Variants in EXOC4 observed in about 807,000 individuals in gnomAD.
EXOC4 encodes the protein exocyst complex component 4.
Under a neutral mutation model 107.2 loss-of-function variants are expected in EXOC4, and 71 were observed. The observed-to-expected ratio is 0.66, with a 90% CI of 0.55 to 0.81. The LOEUF (loss-of-function observed/expected upper bound fraction) is 0.81, where lower values mean the gene tolerates loss of function less well. Among genes scored for constraint, EXOC4 ranks in the 30% least tolerant of loss-of-function variants. EXOC4 has a pLI of 0.00. For synonymous variants in EXOC4, 456 were observed against 441.2 expected, an observed-to-expected ratio of 1.03 and a Z score of -0.42; for missense variants, 1,108 against 1,189.6, an observed-to-expected ratio of 0.93 and a Z score of 1.01.
intron 5 of EXOC4, among the ~76,000 whole-genome samples, chr7:133,348,239 G>T (rs979769318): frequency 2.0e-5 from 3 of 152,110 alleles, no homozygotes; most frequent in African/African-American, 7.2e-5. Flanking sequence ...AAGTGAAATA[G>T]ATAATATAAA....
intron 11 of EXOC4, among the ~76,000 whole-genome samples, chr7:133,835,885 TG>T (rs1290802429): frequency 2.0e-5 from 3 of 152,210 alleles, no homozygotes; most frequent in Middle Eastern, 3.2e-3. Context: ...CCAAGCTAAC[TG>T]GCTCATGAAA....
chr7:133,380,728 A>C (rs1157925866), intron 7 of EXOC4, among the ~76,000 whole-genome samples: 1 of 152,210 alleles, frequency 6.6e-6, no homozygotes, highest in Non-Finnish European at 1.5e-5. Flanking sequence ...AGAAACTTGT[A>C]GTCTCCACAT....
At chr7:133,253,573 G>T in intron 1 of EXOC4, 1 of 969,336 alleles carries the variant, frequency 1.0e-6, no homozygotes, top group Non-Finnish European at 1.2e-6. Context: ...TTGTTTCCTG[G>T]ACTTTGGGGT....
intron 1 of EXOC4, 66 bp from the exon 2 acceptor site, chr7:133,274,916 T>C: frequency 7.7e-7 from 1 of 1,292,918 alleles, no homozygotes; most frequent in Non-Finnish European, 1.0e-6. Flanking sequence ...TACTTTCTGC[T>C]TCACCTTTCT....
At chr7:133,642,992 C>T (rs1802896686) in intron 10 of EXOC4, among the ~76,000 whole-genome samples, 1 of 152,184 alleles carries the variant, frequency 6.6e-6, no homozygotes, top group African/African-American at 2.4e-5. Flanking sequence ...CCTGCTCTTA[C>T]TCACCCTTAC....
intron 6 of EXOC4, among the ~76,000 whole-genome samples, chr7:133,373,822 T>C (rs1012104291): frequency 2.0e-5 from 3 of 152,224 alleles, no homozygotes; most frequent in Non-Finnish European, 4.4e-5. Flanking sequence ...TTCTAAGTGC[T>C]CTTAAGTATT....
At chr7:134,048,560 C>G (rs1246380048) in intron 17 of EXOC4, among the ~76,000 whole-genome samples, 4 of 152,168 alleles carry the variant, frequency 2.6e-5, no homozygotes, top group African/African-American at 9.7e-5. Context: ...CACATTTCAA[C>G]CAGACCAGTT....
At chr7:133,872,825 T>A (rs941985482) in intron 11 of EXOC4, among the ~76,000 whole-genome samples, 1 of 152,250 alleles carries the variant, frequency 6.6e-6, no homozygotes, top group Non-Finnish European at 1.5e-5. Flanking sequence ...CTTTTGGATC[T>A]CATATTAATT....
intron 3 of EXOC4, among the ~76,000 whole-genome samples, chr7:133,303,828 T>A (rs918142857): frequency 6.6e-6 from 1 of 152,238 alleles, no homozygotes; most frequent in Non-Finnish European, 1.5e-5. Flanking sequence ...GAACACTTAC[T>A]GAAATTGCTT....
At chr7:133,466,705 G>A (rs75435092) in intron 7 of EXOC4, among the ~76,000 whole-genome samples, 2,784 of 152,218 alleles carry the variant, frequency 0.018, 52 homozygotes, top group Non-Finnish European at 0.028. Context: ...TGATAACAAA[G>A]CCAAAGTATT....
chr7:133,470,334 T>C (rs1026335390), intron 7 of EXOC4, among the ~76,000 whole-genome samples: 7 of 152,244 alleles, frequency 4.6e-5, no homozygotes, highest in East Asian at 3.9e-4. Flanking sequence ...ATGTTACCAA[T>C]GTTAGCAAGT....
chr7:133,784,408 G>T (rs1167744805), intron 10 of EXOC4, among the ~76,000 whole-genome samples: 2 of 152,008 alleles, frequency 1.3e-5, no homozygotes, highest in African/African-American at 4.8e-5. Context: ...CTTGGTCTTG[G>T]CCCTTCTATC....
chr7:133,374,719 T>G, intron 6 of EXOC4, 109 bp from the exon 7 acceptor site: 1 of 864,050 alleles, frequency 1.2e-6, no homozygotes, highest in Non-Finnish European at 1.8e-6. Flanking sequence ...TTAATGCTGT[T>G]TACATTGTAG....
chr7:133,329,462 C>T (rs1795326980), intron 5 of EXOC4, among the ~76,000 whole-genome samples: 1 of 151,970 alleles, frequency 6.6e-6, no homozygotes, highest in Admixed American at 6.6e-5. Context: ...AGTTTTGTTC[C>T]CTTGCTGCTG....
At chr7:133,485,206 C>T (rs1799248469) in intron 9 of EXOC4, among the ~76,000 whole-genome samples, 2 of 151,920 alleles carry the variant, frequency 1.3e-5, no homozygotes, top group Admixed American at 1.3e-4. Context: ...TTCGTTACTT[C>T]CCATTTTCTC....
chr7:133,855,144 A>AATATATATAAAT lies in EXOC4; in HGVS notation c.1734+37609_1734+37610insAATATATATATA, dbSNP rs1798345383. Among the ~76,000 whole-genome samples, 32 of 96,474 alleles carry AATATATATAAAT rather than the reference A, an allele frequency of 3.3e-4. 1 individual carries two copies. The highest frequency in any genetic ancestry group is 1.8e-3 in the African/African-American group (31 of 17,088). 63.3% of individuals were successfully genotyped at this position (96,474 alleles called of 152,430 possible). On this transcript the variant is annotated intron_variant, in intron 11 of 17. Coordinates refer to ENST00000253861, the MANE Select transcript of EXOC4 (RefSeq NM_021807.4). ...ATATATATAAATATATATATATATA[A>AATATATATAAAT]ATATATATATAAATATATATATTTT...
intron 6 of EXOC4, among the ~76,000 whole-genome samples, chr7:133,369,776 G>A (rs916784347): frequency 2.7e-5 from 4 of 145,772 alleles, no homozygotes; most frequent in African/African-American, 1.0e-4. Flanking sequence ...TAAAAACCCA[G>A]CATCTCTCCT....
intron 7 of EXOC4, among the ~76,000 whole-genome samples, chr7:133,412,715 A>ACCAT (rs1266047052): frequency 1.3e-5 from 2 of 152,070 alleles, no homozygotes; most frequent in Non-Finnish European, 2.9e-5. Context: ...TTCATGTGAC[A>ACCAT]CCATCAAGCA....
intron 9 of EXOC4, among the ~76,000 whole-genome samples, chr7:133,579,394 A>C (rs7791878): frequency 4.6e-5 from 7 of 151,960 alleles, no homozygotes; most frequent in Non-Finnish European, 8.8e-5. Flanking sequence ...CACAGTATGT[A>C]TATCTTTTGG....
Sources: allele counts gnomAD v4.1 joint callset (sites outside exome capture counted in the v4.1 genomes callset), GRCh38; gene constraint gnomAD v4.1.1; transcripts MANE v1.5; gene names NCBI Gene and HGNC (gene_info 2026-07-23, HGNC 2026-07-21).